The following LMLN variants were observed in gnomAD, a reference collection of about 807,000 sequenced individuals.
The protein encoded by LMLN is leishmanolysin-like peptidase.
In LMLN, 70 loss-of-function variants were observed where a neutral mutation model predicts 92.3. That is an observed-to-expected ratio of 0.76 (90% CI 0.63 to 0.92). The LOEUF (loss-of-function observed/expected upper bound fraction) is 0.92, where lower values mean the gene tolerates loss of function less well. LMLN is among the 40% of genes least tolerant of loss of function. The pLI, the probability that LMLN is intolerant of heterozygous loss-of-function variation, is 0.00. For synonymous variants in LMLN, 308 were observed against 296.2 expected, an observed-to-expected ratio of 1.04 and a Z score of -0.41; for missense variants, 691 against 814.6, an observed-to-expected ratio of 0.85 and a Z score of 1.85.
chr3:198,002,010 A>T (rs1722187762), intron 11 of LMLN, among the ~76,000 whole-genome samples: 1 of 152,134 alleles, frequency 6.6e-6, no homozygotes, highest in African/African-American at 2.4e-5. Flanking sequence ...AATATAATAC[A>T]CACAGGTAAG....
At chr3:197,964,750 G>A (rs1465589914) in intron 1 of LMLN, among the ~76,000 whole-genome samples, 2 of 148,292 alleles carry the variant, frequency 1.3e-5, no homozygotes, top group East Asian at 2.2e-4. Flanking sequence ...GCTCATGCCT[G>A]TAATCCCAGC....
chr3:197,989,673 T>C (rs928142474), intron 8 of LMLN, among the ~76,000 whole-genome samples: 4 of 152,232 alleles, frequency 2.6e-5, no homozygotes, highest in African/African-American at 7.2e-5. Flanking sequence ...TTTGTCTCTT[T>C]ATCTGCAAAA....
At position 198,013,940 on chromosome 3, in the gene LMLN, C is replaced by G. The variant is rs570074510; in HGVS notation, c.1233-5313C>G. ...GAGCCCCCTAACTAGTCTGACTTCT[C>G]TCCACCCCTCAGAGCCCCCTAACTA... On this transcript the variant is annotated intron_variant, in intron 11 of 15. Coordinates refer to ENST00000330198, the Ensembl canonical transcript of LMLN. 9.6e-4 allele frequency among the ~76,000 whole-genome samples: 135 copies of G among 140,062 alleles called. 2 individuals carry two copies. The highest frequency in any genetic ancestry group is 3.2e-3 in the African/African-American group (113 of 34,854). The allele number at this position is 140,062 out of a possible 152,430, so 91.9% of individuals were successfully genotyped here.
chr3:197,976,621 T>C, exon 5 of LMLN: 2 of 1,598,012 alleles, frequency 1.3e-6, no homozygotes, highest in Non-Finnish European at 1.7e-6. Context: ...AACCAATACC[T>C]CCGGAAGGAA....
At chr3:197,999,149 A>C in intron 10 of LMLN, 117 bp from the exon 11 acceptor site, 2 of 720,224 alleles carry the variant, frequency 2.8e-6, no homozygotes, top group Non-Finnish European at 4.9e-6. Context: ...TTTTAAGTGA[A>C]TGTCTTGTCA....
chr3:198,022,978 CAT>C (rs779651590), intron 13 of LMLN, among the ~76,000 whole-genome samples: 1 of 152,142 alleles, frequency 6.6e-6, no homozygotes, highest in African/African-American at 2.4e-5. Flanking sequence ...TGTACTATCA[CAT>C]GTTATTGTTT....
chr3:197,983,062 C>T (rs952583402), intron 6 of LMLN, among the ~76,000 whole-genome samples: 8 of 152,198 alleles, frequency 5.3e-5, no homozygotes, highest in African/African-American at 1.9e-4. Flanking sequence ...TTAGAGGTCA[C>T]TGTGGCAATT....
chr3:198,024,340 C>T (rs1214098968), intron 13 of LMLN, among the ~76,000 whole-genome samples: 4 of 151,694 alleles, frequency 2.6e-5, no homozygotes, highest in Non-Finnish European at 4.4e-5. Context: ...CTCAGCCTCC[C>T]GAGTAGCTGG....
chr3:197,985,831 T>C (rs766226451), exon 8 of LMLN: 2 of 1,613,842 alleles, frequency 1.2e-6, no homozygotes, highest in Admixed American at 1.7e-5. Flanking sequence ...TCTACCATGA[T>C]AAAGATGGAA....
chr3:198,010,867 A>G (rs1184734273), intron 11 of LMLN, among the ~76,000 whole-genome samples: 1 of 152,184 alleles, frequency 6.6e-6, no homozygotes, highest in African/African-American at 2.4e-5. Context: ...GCTTTATCTC[A>G]CAAATTCCAA....
At chr3:198,028,513 A>AT (rs1381211338) in intron 14 of LMLN, among the ~76,000 whole-genome samples, 1 of 152,254 alleles carries the variant, frequency 6.6e-6, no homozygotes, top group African/African-American at 2.4e-5. Flanking sequence ...AAACTGTATT[A>AT]TCTCTGTACA....
At chr3:197,976,081 G>A (rs1040989462) in exon 4 of LMLN, 10 of 1,606,524 alleles carry the variant, frequency 6.2e-6, no homozygotes, top group East Asian at 4.5e-5. Context: ...TTTCAGGTCC[G>A]TCGACCTGCG....
intron 6 of LMLN, among the ~76,000 whole-genome samples, chr3:197,981,743 C>T (rs1560138137): frequency 6.6e-6 from 1 of 151,676 alleles, no homozygotes; most frequent in Admixed American, 6.6e-5. Context: ...ATAACATTCT[C>T]AGATCTAGGT....
chr3:198,036,256 A>T (rs1723233170), intron 15 of LMLN, among the ~76,000 whole-genome samples: 1 of 152,200 alleles, frequency 6.6e-6, no homozygotes, highest in South Asian at 2.1e-4. Context: ...AGGGTGAGGA[A>T]CCTTTCTGGT....
chr3:197,996,228 AAATC>A lies in LMLN; in HGVS notation c.1104_1107del (p.Asn368LysfsTer16). The A allele has an allele frequency of 6.2e-7, 1 of 1,607,518 alleles. No homozygotes were observed. Among genetic ancestry groups the A allele is most frequent in the Non-Finnish European group, 8.5e-7 (1 of 1,177,184 alleles). ...CAGTTCTAGAGGGAATGGAACTTGA[AAATC>A]AAGGTGGTGTGGGCACTGAGCTCAA... On this transcript the variant is annotated frameshift_variant, in exon 10 of 16. Coordinates refer to ENST00000330198, the Ensembl canonical transcript of LMLN. LOFTEE classifies it high-confidence loss of function.
chr3:197,976,520 A>C, intron 4 of LMLN, 78 bp from the exon 5 acceptor site: 1 of 695,110 alleles, frequency 1.4e-6, no homozygotes. Context: ...AGCAGCTACC[A>C]GTTGGTTTCC....
chr3:198,021,214 A>G (rs181334063), intron 12 of LMLN, among the ~76,000 whole-genome samples: 153 of 152,300 alleles, frequency 1.0e-3, no homozygotes, highest in Non-Finnish European at 9.0e-4. Flanking sequence ...ATTATGATAT[A>G]TAACTTAAGA....
At chr3:197,986,334 G>A (rs1721705822) in intron 8 of LMLN, among the ~76,000 whole-genome samples, 1 of 152,106 alleles carries the variant, frequency 6.6e-6, no homozygotes, top group African/African-American at 2.4e-5. Context: ...GGTTGCATGC[G>A]CCTGTAGTCC....
At chr3:198,030,713 A>C (rs1723054288) in intron 14 of LMLN, among the ~76,000 whole-genome samples, 1 of 151,990 alleles carries the variant, frequency 6.6e-6, no homozygotes, top group South Asian at 2.1e-4. Context: ...CCCCTCCTTC[A>C]TGGATTTTGT....
Sources: allele counts gnomAD v4.1 joint callset (sites outside exome capture counted in the v4.1 genomes callset), GRCh38; gene constraint gnomAD v4.1.1; transcripts MANE v1.5; gene names NCBI Gene and HGNC (gene_info 2026-07-23, HGNC 2026-07-21).